PLCH2: variants seen among roughly 807,000 people sequenced by gnomAD.
PLCH2 encodes the protein phospholipase C eta 2.
In PLCH2, 98 loss-of-function variants were observed where a neutral mutation model predicts 134.7. That is an observed-to-expected ratio of 0.73 (90% CI 0.62 to 0.86). PLCH2 has a LOEUF of 0.86. Ranked by LOEUF, PLCH2 falls within the 40% of genes least tolerant of loss-of-function variation. The probability of loss-of-function intolerance (pLI) is 0.00; values close to 1 mark genes in which losing one functional copy is unlikely to be tolerated. For synonymous variants in PLCH2, 974 were observed against 827.5 expected (o/e 1.18, Z -3.04); for missense variants, 1,994 against 1,986.6 (o/e 1.00, Z -0.07).
At chr1:2,437,251 G>A (rs189463534) in intron 2 of PLCH2, among the ~76,000 whole-genome samples, 3 of 152,274 alleles carry the variant, frequency 2.0e-5, no homozygotes, top group African/African-American at 4.8e-5. Flanking sequence ...GTGCCTTGGT[G>A]GGCTGCGAGC....
At position 2,478,461 on chromosome 1, in the gene PLCH2, C is replaced by G; in HGVS notation, c.125-15C>G. The G allele has an allele frequency of 6.2e-7, 1 of 1,612,072 alleles. No individual in the cohort carries two copies. Among genetic ancestry groups the G allele is most frequent in the Non-Finnish European group, 8.5e-7 (1 of 1,179,408 alleles). ...GCTGTGCCTCCGCTGACAGCCGTGT[C>G]TCTCCCGTGTCCAGTGGAGCGGTGC... On this transcript the variant is annotated splice_polypyrimidine_tract_variant and intron_variant, in intron 1 of 21. Coordinates refer to ENST00000378486, the MANE Select transcript of PLCH2 (RefSeq NM_014638.4).
Position 2,444,438 on chromosome 1 carries a change from G to C in PLCH2, c.115+13809G>C, listed in dbSNP as rs1228700987. 6.6e-6 allele frequency among the ~76,000 whole-genome samples: 1 copy of C among 152,196 alleles called. No individual in the cohort carries two copies. Among genetic ancestry groups the C allele is most frequent in the East Asian group, 1.9e-4 (1 of 5,186 alleles). The stretch of plus-strand genomic sequence containing the variant: ...GGGGAGCCGGCCTCTCCCCACACTA[G>C]CAGGTGGGGTGCAGCGGGCACTGCC... On this transcript the variant is annotated intron_variant, in intron 2 of 3. Coordinates refer to the PLCH2 transcript ENST00000609981. The surrounding 1 kb of genome is among the most constrained non-coding windows in gnomAD (Gnocchi z 4.6).
chr1:2,476,775 G>A, intron 1 of PLCH2, 63 bp downstream of exon 1: 1 of 1,502,260 alleles, frequency 6.7e-7, no homozygotes, highest in Non-Finnish European at 8.9e-7. Flanking sequence ...ACTGGTGGGT[G>A]GGGGCTGTTC....
chr1:2,484,739 A>ATCCCTGGCCT, intron 5 of PLCH2, 121 bp downstream of exon 5: 1 of 1,085,654 alleles, frequency 9.2e-7, no homozygotes, highest in Non-Finnish European at 1.3e-6. Flanking sequence ...ATCCCAGGCC[A>ATCCCTGGCCT]GGGATGGGCT....
intron 2 of PLCH2, among the ~76,000 whole-genome samples, chr1:2,456,679 C>T (rs1036020772): frequency 2.0e-5 from 3 of 152,158 alleles, no homozygotes; most frequent in Admixed American, 6.5e-5. Context: ...TTGAGGGAGC[C>T]GCCCTCCTTG....
In PLCH2 at chr1:2,489,286, C is replaced by T; in HGVS notation, c.1315C>T (p.Leu439Phe). ...KKMAQYLTDI[L>F]GDKLDLSSVS... The stretch of plus-strand genomic sequence containing the variant: ...AATGGCCCAGTATCTGACTGACATC[C>T]TTGGGGACAAGCTGGACCTGTCATC... Residue 439 changes from leucine (L) to phenylalanine (F), a missense_variant, in exon 9 of 22, where the codon CTT (leucine) becomes TTT (phenylalanine). By Grantham distance (22) the Leu-to-Phe change is conservative. Around this residue, in one of 2 missense-constraint regions of PLCH2, gnomAD observed 1,094 missense variants for 1,234.3 expected, o/e 0.89. Transcript: ENST00000378486. 2 of 1,613,852 alleles carry T rather than the reference C, an allele frequency of 1.2e-6. No homozygotes were observed. The highest frequency in any genetic ancestry group is 1.7e-6 in the Non-Finnish European group (2 of 1,179,850).
chr1:2,504,981 C>T lies in PLCH2; in HGVS notation c.4019C>T (p.Ser1340Phe), dbSNP rs1350672736. Residue 1340 changes from serine (S) to phenylalanine (F), a missense_variant, in exon 22 of 22, where the codon TCC becomes TTC. Transcript: ENST00000378486. Reference protein sequence around the residue: ...GGPGFVRRSSSRSHSRVRAIA... With the variant: ...GGPGFVRRSSFRSHSRVRAIA... ...CCTGGTTTTGTGCGGCGCTCCTCCT[C>T]CCGCAGCCACAGCCGCGTGCGTGCC... The T allele has an allele frequency of 6.5e-7, 1 of 1,548,856 alleles. No homozygotes were observed. Among genetic ancestry groups the T allele is most frequent in the East Asian group, 2.4e-5 (1 of 41,472 alleles).
chr1:2,442,529 C>G (rs540512025), intron 2 of PLCH2, among the ~76,000 whole-genome samples: 1 of 152,340 alleles, frequency 6.6e-6, no homozygotes, highest in Admixed American at 6.5e-5. Flanking sequence ...GCAGAGCTGA[C>G]GGGCCCAGGG....
chr1:2,457,841 C>T (rs554118559), intron 2 of PLCH2, among the ~76,000 whole-genome samples: 1 of 151,094 alleles, frequency 6.6e-6, no homozygotes, highest in Admixed American at 6.6e-5. Context: ...TTTCCTCTTG[C>T]CTAATGGGCA....
chr1:2,490,308 A>G (rs1642503605), intron 10 of PLCH2, among the ~76,000 whole-genome samples: 1 of 151,944 alleles, frequency 6.6e-6, no homozygotes, highest in African/African-American at 2.4e-5. Context: ...CTGCCCAGCC[A>G]CCCCCGTGGC....
At position 2,480,220 on chromosome 1, in the gene PLCH2, G is replaced by C. The variant is rs370344110; in HGVS notation, c.553G>C (p.Gly185Arg). Residue 185 changes from glycine to arginine, a missense_variant, in exon 4 of 22, where the codon GGG becomes CGG. Physicochemically the swap from Gly to Arg is moderately radical, Grantham distance 125. Transcript: ENST00000378486. ...GACGTTTGACGAGGCCGACAAGAACGGGGATGGCAGCCTGAGCATTGGCGA... is the reference window on the plus strand; with the variant it reads ...GACGTTTGACGAGGCCGACAAGAACCGGGATGGCAGCCTGAGCATTGGCGA... ...KQTFDEADKN[G>R]DGSLSIGEVL... 51 of 1,612,784 alleles carry C rather than the reference G, an allele frequency of 3.2e-5. 1 individual carries two copies. The highest frequency in any genetic ancestry group is 1.8e-4 in the East Asian group (8 of 44,894).
chr1:2,494,834 CCT>C lies in PLCH2; in HGVS notation c.1660-21_1660-20del, dbSNP rs748994602. Reference sequence around the variant, plus strand: ...GGTTCAAGGCTAGACTCACCTTGTCCCTGTCTCTCCCCTGGACTCAGAGCAAG... The same window carrying C: ...GGTTCAAGGCTAGACTCACCTTGTCCGTCTCTCCCCTGGACTCAGAGCAAG... On this transcript the variant is annotated intron_variant, in intron 11 of 21. Coordinates refer to ENST00000378486, the MANE Select transcript of PLCH2 (RefSeq NM_014638.4). The C allele has an allele frequency of 6.4e-7, 1 of 1,555,676 alleles. No individual in the cohort carries two copies.
At position 2,439,434 on chromosome 1, in the gene PLCH2, C is replaced by T. The variant is rs1353932706; in HGVS notation, c.115+8805C>T. 6.6e-6 allele frequency among the ~76,000 whole-genome samples: 1 copy of T among 152,208 alleles called. No homozygotes were observed. Among genetic ancestry groups the T allele is most frequent in the African/African-American group, 2.4e-5 (1 of 41,446 alleles). On this transcript the variant is annotated intron_variant, in intron 2 of 3. Coordinates refer to the PLCH2 transcript ENST00000609981. This position sits in a 1 kb window ranked among gnomAD's most constrained non-coding sequence, Gnocchi z 4.7. ...GAAGCCAAGCCAGGGGCAGCTGATC[C>T]CATCCCACCCGTTCGTTGTCTTGAG...
At chr1:2,431,251 AGCGTGTGT>A (rs1223469701) in intron 2 of PLCH2, among the ~76,000 whole-genome samples, 4 of 151,012 alleles carry the variant, frequency 2.6e-5, no homozygotes, top group East Asian at 3.9e-4. Flanking sequence ...GGCAGTGGTG[AGCGTGTGT>A]GCGTGTGTGC....
chr1:2,504,938 G>A lies in PLCH2; in HGVS notation c.3976G>A (p.Glu1326Lys), dbSNP rs755735417. The A allele has an allele frequency of 3.8e-6, 6 of 1,568,534 alleles. No homozygotes were observed. Among genetic ancestry groups the A allele is most frequent in the South Asian group, 1.2e-5 (1 of 86,104 alleles). ...TSPTSLGPAG[E>K]GVAGGPGFVR... ...ACCCACCAGCCTGGGCCCGGCTGGG[G>A]AGGGGGTGGCAGGGGGCCCTGGTTT... The change falls in exon 22 of 22, where the codon GAG becomes AAG. Residue 1326 changes from glutamate to lysine, a missense_variant. This residue lies in a region of PLCH2 where 900 missense variants were observed against 752.3 expected (regional missense o/e 1.20). Coordinates refer to ENST00000378486, the MANE Select transcript of PLCH2 (RefSeq NM_014638.4).
Position 2,489,294 on chromosome 1 carries a change from C to T in PLCH2, c.1323C>T (p.Asp441=), listed in dbSNP as rs374750700. ...AGTATCTGACTGACATCCTTGGGGA[C>T]AAGCTGGACCTGTCATCAGTGAGCA... The part of the protein sequence containing the change: ...MAQYLTDILG[D]KLDLSSVSSE... Residue 441 remains aspartate (D), a synonymous_variant, in exon 9 of 22, where the codon GAC becomes GAT. Transcript: ENST00000378486. 3.0e-5 allele frequency: 49 copies of T among 1,613,870 alleles called. No homozygotes were observed. In the African/African-American group the frequency reaches 5.2e-4, roughly 17 times the overall value.
upstream of PLCH2, among the ~76,000 whole-genome samples, chr1:2,463,797 T>C (rs934705046): frequency 4.6e-5 from 7 of 152,212 alleles, no homozygotes; most frequent in African/African-American, 1.2e-4. Context: ...CTCCTCCCCA[T>C]GGCCTGAGCC....
At chr1:2,440,975 G>C (rs370388310) in intron 2 of PLCH2, among the ~76,000 whole-genome samples, 41 of 152,274 alleles carry the variant, frequency 2.7e-4, no homozygotes, top group African/African-American at 9.9e-4. Flanking sequence ...GGCTGTGCCC[G>C]GGTGGTCCTG....
At chr1:2,447,567 A>G (rs1284514915) in intron 2 of PLCH2, among the ~76,000 whole-genome samples, 1 of 152,190 alleles carries the variant, frequency 6.6e-6, no homozygotes, top group African/African-American at 2.4e-5. Context: ...CCGGAGCTCC[A>G]CTGTGACCCT....
Sources: gnomAD v4.1 joint callset for allele counts (sites outside exome capture counted in the v4.1 genomes callset) on GRCh38, gnomAD v4.1.1 for gene constraint, gnomAD v4.1.1 regional missense constraint, Gnocchi (gnomAD v3.1) non-coding constraint, MANE v1.5 for transcripts, NCBI Gene and HGNC (gene_info 2026-07-23, HGNC 2026-07-21) for gene names.